Variants in CADPS2 observed in about 807,000 individuals in gnomAD.
CADPS2 encodes calcium-dependent secretion activator 2.
CADPS2 carries 93 observed loss-of-function variants against 172.5 expected under a neutral mutation model. The ratio of observed to expected loss-of-function variants is 0.54; its 90% CI spans 0.46 to 0.64. The LOEUF is 0.64. Among genes scored for constraint, CADPS2 ranks in the 30% least tolerant of loss-of-function variants. The pLI, the probability that CADPS2 is intolerant of heterozygous loss-of-function variation, is 0.00. For missense variants in CADPS2, 1,420 were observed against 1,565.9 expected, an observed-to-expected ratio of 0.91 and a Z score of 1.57; for synonymous variants, 546 against 555.2, an observed-to-expected ratio of 0.98 and a Z score of 0.23.
chr7:122,546,836 C>T (rs1563664143), intron 8 of CADPS2, among the ~76,000 whole-genome samples: 1 of 152,076 alleles, frequency 6.6e-6, no homozygotes, highest in Non-Finnish European at 1.5e-5. Context: ...CATTAAAACA[C>T]TGGTTCCTTG....
chr7:122,697,657 A>G, intron 2 of CADPS2: 1 of 748,812 alleles, frequency 1.3e-6, no homozygotes, highest in Non-Finnish European at 2.1e-6. Context: ...GAGGTTGGAC[A>G]AAGAATGTAT....
At chr7:122,325,635 C>T (rs1387057326) in intron 28 of CADPS2, 54 bp from the exon 29 acceptor site, 1 of 1,070,014 alleles carries the variant, frequency 9.3e-7, no homozygotes, top group Admixed American at 2.0e-5. Context: ...AAAACAACCT[C>T]TGCAGTATTC....
intron 2 of CADPS2, among the ~76,000 whole-genome samples, chr7:122,674,715 G>A (rs796119327): frequency 2.0e-5 from 3 of 152,240 alleles, no homozygotes; most frequent in African/African-American, 7.2e-5. Flanking sequence ...TTATAATGAC[G>A]AGAAAAACAT....
chr7:122,847,109 T>C (rs1812197609), intron 1 of CADPS2, among the ~76,000 whole-genome samples: 1 of 152,122 alleles, frequency 6.6e-6, no homozygotes, highest in South Asian at 2.1e-4. Flanking sequence ...TTTTTTGAAA[T>C]GGAGTCTTGC....
chr7:122,408,434 A>T (rs1455769347), intron 19 of CADPS2, among the ~76,000 whole-genome samples: 2 of 151,582 alleles, frequency 1.3e-5, no homozygotes, highest in Non-Finnish European at 2.9e-5. Context: ...CATTTCATTT[A>T]TTTTTTTTGA....
intron 2 of CADPS2, among the ~76,000 whole-genome samples, chr7:122,725,627 T>G (rs1255841011): frequency 2.8e-5 from 4 of 143,104 alleles, no homozygotes; most frequent in African/African-American, 7.7e-5. Flanking sequence ...GAATGGCTTA[T>G]TACTAAAAAG....
chr7:122,744,161 C>T (rs2092619730), intron 1 of CADPS2, among the ~76,000 whole-genome samples: 1 of 152,204 alleles, frequency 6.6e-6, no homozygotes, highest in African/African-American at 2.4e-5. Flanking sequence ...ACACACTTTG[C>T]TTCTTTCTCT....
rs577477595 is a variant in CADPS2 at position 122,670,466 on chromosome 7, G to A, written c.454-6897C>T. ...CATGCCTGTAGTCCCAGCCACTCGG[G>A]AGGCCAAGGCAGGTGGATCACTTGA... On this transcript the variant is annotated intron_variant, in intron 2 of 29. Coordinates refer to ENST00000449022, the MANE Select transcript of CADPS2 (RefSeq NM_017954.11). Among the ~76,000 whole-genome samples, 728 of 152,092 alleles carry A rather than the reference G, an allele frequency of 4.8e-3. 4 individuals are homozygous for A. Among genetic ancestry groups the A allele is most frequent in the Non-Finnish European group, 7.3e-3 (498 of 67,978 alleles).
chr7:122,541,767 A>T lies in CADPS2; in HGVS notation c.1475+12783T>A, dbSNP rs921381292. ...TATTTACATATATTCATATATTTATATATTCACATATATTCATATATTTAT... is the reference window on the plus strand; with the variant it reads ...TATTTACATATATTCATATATTTATTTATTCACATATATTCATATATTTAT... On this transcript the variant is annotated intron_variant, in intron 8 of 29. Coordinates refer to ENST00000449022, the MANE Select transcript of CADPS2 (RefSeq NM_017954.11). Among the ~76,000 whole-genome samples the T allele has an allele frequency of 1.8e-4, 26 of 144,980 alleles. No individual in the cohort carries two copies. The Admixed American group carries it at 1.8e-3, about 10-fold the overall frequency.
intron 1 of CADPS2, among the ~76,000 whole-genome samples, chr7:122,745,506 G>A (rs1017507016): frequency 2.0e-5 from 3 of 151,290 alleles, no homozygotes; most frequent in African/African-American, 4.9e-5. Context: ...TTATCCCTAC[G>A]CAATGTGTTG....
chr7:122,589,749 C>G (rs1415466950), intron 6 of CADPS2, among the ~76,000 whole-genome samples: 3 of 151,820 alleles, frequency 2.0e-5, no homozygotes, highest in Non-Finnish European at 4.4e-5. Flanking sequence ...AACATAGAAA[C>G]TGTTGTATAA....
chr7:122,477,377 A>G (rs906495854), intron 12 of CADPS2, among the ~76,000 whole-genome samples: 1 of 151,850 alleles, frequency 6.6e-6, no homozygotes, highest in Non-Finnish European at 1.5e-5. Context: ...TTAGCTGGAC[A>G]TGGTGGCAGG....
At chr7:122,506,806 T>G (rs533472453) in intron 9 of CADPS2, among the ~76,000 whole-genome samples, 6 of 151,578 alleles carry the variant, frequency 4.0e-5, no homozygotes, top group East Asian at 1.9e-4. Flanking sequence ...AAGATCCAGA[T>G]AGATTGGACA....
chr7:122,697,573 T>A (rs1247202905), intron 2 of CADPS2: 18 of 485,342 alleles, frequency 3.7e-5, no homozygotes, highest in Non-Finnish European at 4.7e-5. Context: ...TAACATACAT[T>A]GACAAAAAAT....
chr7:122,829,182 A>G (rs1343938315), intron 1 of CADPS2, among the ~76,000 whole-genome samples: 1 of 152,164 alleles, frequency 6.6e-6, no homozygotes, highest in Non-Finnish European at 1.5e-5. Context: ...GTCAGTAATA[A>G]TAGAACCTAG....
intron 1 of CADPS2, among the ~76,000 whole-genome samples, chr7:122,739,596 G>A (rs958778471): frequency 6.6e-6 from 1 of 152,070 alleles, no homozygotes; most frequent in Non-Finnish European, 1.5e-5. Flanking sequence ...TAAATGTCAG[G>A]CTTCAATATT....
At chr7:122,743,786 A>G (rs1180110948) in intron 1 of CADPS2, among the ~76,000 whole-genome samples, 1 of 152,186 alleles carries the variant, frequency 6.6e-6, no homozygotes, top group Admixed American at 6.5e-5. Context: ...TTCCCTTCCT[A>G]TCAACACTGT....
chr7:122,493,176 T>C (rs2058451007), intron 9 of CADPS2, among the ~76,000 whole-genome samples: 2 of 151,322 alleles, frequency 1.3e-5, no homozygotes, highest in East Asian at 1.9e-4. Flanking sequence ...ACACCAGAAA[T>C]ATAAAGAACT....
At chr7:122,539,898 T>C (rs992130298) in intron 8 of CADPS2, among the ~76,000 whole-genome samples, 3 of 152,116 alleles carry the variant, frequency 2.0e-5, no homozygotes, top group Admixed American at 6.6e-5. Context: ...TTTTCACCTT[T>C]TTTTTCCATT....
Sources: allele counts gnomAD v4.1 joint callset (sites outside exome capture counted in the v4.1 genomes callset), GRCh38; gene constraint gnomAD v4.1.1; transcripts MANE v1.5; gene names NCBI Gene and HGNC (gene_info 2026-07-23, HGNC 2026-07-21).